The following RNF217 variants were observed in gnomAD, a reference collection of about 807,000 sequenced individuals.
RNF217 encodes E3 ubiquitin-protein ligase RNF217.
In RNF217, 31 loss-of-function variants were observed where a neutral mutation model predicts 57.8. The ratio of observed to expected loss-of-function variants is 0.54; its 90% CI spans 0.40 to 0.72. The LOEUF (loss-of-function observed/expected upper bound fraction) is 0.72. Among genes scored for constraint, RNF217 ranks in the 30% least tolerant of loss-of-function variants. The pLI is 0.00. For missense variants in RNF217, 696 were observed against 708.3 expected (o/e 0.98, Z 0.20); for synonymous variants, 313 against 294.0 (o/e 1.06, Z -0.66).
At chr6:124,968,035 C>A (rs1343792838) in intron 1 of RNF217, among the ~76,000 whole-genome samples, 1 of 152,214 alleles carries the variant, frequency 6.6e-6, no homozygotes, top group Non-Finnish European at 1.5e-5. Context: ...CCGCCTCGCA[C>A]TCCCAAAGTG....
chr6:124,990,777 A>G (rs765997257), intron 1 of RNF217, among the ~76,000 whole-genome samples: 1 of 152,188 alleles, frequency 6.6e-6, no homozygotes, highest in Non-Finnish European at 1.5e-5. Flanking sequence ...CTCAAGAGTG[A>G]AGCCAAATTG....
In RNF217 at chr6:125,055,264, A is replaced by T. The variant is rs576689132; in HGVS notation, c.1117-2678A>T. ...GTATGAGTTTAACTTATTTGTATTCACTTGAGAGACTGCCCCATAACTCTG... is the reference window on the plus strand; with the variant it reads ...GTATGAGTTTAACTTATTTGTATTCTCTTGAGAGACTGCCCCATAACTCTG... On this transcript the variant is annotated intron_variant, in intron 2 of 5. Coordinates refer to ENST00000521654, the MANE Select transcript of RNF217 (RefSeq NM_001286398.3). 5.3e-5 allele frequency among the ~76,000 whole-genome samples: 8 copies of T among 152,280 alleles called. No homozygotes were observed. The South Asian group carries it at 1.7e-3, about 32-fold the overall frequency.
intron 1 of RNF217, chr6:124,996,477 C>G (rs1051002203): frequency 5.3e-5 from 8 of 152,060 alleles, no homozygotes; most frequent in African/African-American, 1.9e-4. Context: ...TGGATATCTT[C>G]TACCAATTCA....
intron 2 of RNF217, among the ~76,000 whole-genome samples, chr6:125,046,028 A>G (rs906090383): frequency 3.9e-5 from 6 of 152,082 alleles, no homozygotes; most frequent in South Asian, 2.1e-4. Context: ...CTGTGTACAT[A>G]TAGTGTGCTT....
chr6:125,013,449 C>A (rs1363346042), intron 1 of RNF217, among the ~76,000 whole-genome samples: 1 of 149,078 alleles, frequency 6.7e-6, no homozygotes, highest in Non-Finnish European at 1.5e-5. Context: ...CATAAGAGAC[C>A]TGAATGATGC....
intron 3 of RNF217, among the ~76,000 whole-genome samples, chr6:125,067,021 G>A (rs774837225): frequency 1.3e-4 from 20 of 152,114 alleles, no homozygotes; most frequent in Non-Finnish European, 1.8e-4. Context: ...GGTTCATGGC[G>A]AAAGGACTCA....
At chr6:125,042,178 A>G (rs1353337272) in intron 1 of RNF217, among the ~76,000 whole-genome samples, 1 of 152,122 alleles carries the variant, frequency 6.6e-6, no homozygotes, top group Admixed American at 6.6e-5. Context: ...ATATTATGAA[A>G]AAGAGGATAT....
intron 1 of RNF217, among the ~76,000 whole-genome samples, chr6:124,984,375 T>G (rs1247716532): frequency 6.6e-6 from 1 of 151,832 alleles, no homozygotes; most frequent in East Asian, 1.9e-4. Flanking sequence ...AGAGAAACCC[T>G]GTCTGTACAA....
chr6:125,039,884 A>G (rs1177857752), intron 1 of RNF217, among the ~76,000 whole-genome samples: 1 of 152,150 alleles, frequency 6.6e-6, no homozygotes, highest in African/African-American at 2.4e-5. Context: ...GAAATGAAGA[A>G]GTTCTTTGAA....
intron 1 of RNF217, chr6:125,009,510 G>A: frequency 2.2e-6 from 1 of 444,496 alleles, no homozygotes; most frequent in East Asian, 3.3e-5. Context: ...TTACCATGAA[G>A]AGCTATATCA....
At chr6:124,996,513 T>A (rs1784756131) in intron 1 of RNF217, 1 of 152,170 alleles carries the variant, frequency 6.6e-6, no homozygotes, top group Non-Finnish European at 1.5e-5. Context: ...ATTTTTATGA[T>A]GTCTTTTATG....
chr6:125,070,951 G>A (rs931139920), intron 3 of RNF217, among the ~76,000 whole-genome samples: 1 of 152,126 alleles, frequency 6.6e-6, no homozygotes, highest in African/African-American at 2.4e-5. Flanking sequence ...ATACTTGTGG[G>A]CAGATGTATA....
intron 1 of RNF217, among the ~76,000 whole-genome samples, chr6:124,982,497 T>C (rs1054647970): frequency 6.6e-6 from 1 of 152,052 alleles, no homozygotes; most frequent in Non-Finnish European, 1.5e-5. Context: ...ACCTCACGTA[T>C]GGGAAAATTC....
chr6:125,039,229 T>C (rs949938689), intron 1 of RNF217, among the ~76,000 whole-genome samples: 1 of 151,494 alleles, frequency 6.6e-6, no homozygotes, highest in Admixed American at 6.6e-5. Context: ...ATGTACCACA[T>C]TTTTTTTTCT....
rs1788816994 is a variant in RNF217, at chr6:125,087,896, T to C, written c.*4959T>C. 6.6e-6 allele frequency: 1 copy of C among 152,016 alleles called. No individual in the cohort carries two copies. Among genetic ancestry groups the C allele is most frequent in the Non-Finnish European group, 1.5e-5 (1 of 67,992 alleles). The allele number at this position is 152,016 out of a possible 1,614,324, so 9.4% of individuals were successfully genotyped here. A position where few individuals can be genotyped will look rare whatever the true frequency, so the allele number is the denominator to read the frequency against. ...AAAGAAATCTCCCTCACTAAAAATATGATCAATCAAAACTACCAGTTTTGC... is the reference window on the plus strand; with the variant it reads ...AAAGAAATCTCCCTCACTAAAAATACGATCAATCAAAACTACCAGTTTTGC... On this transcript the variant is annotated 3_prime_UTR_variant, in exon 6 of 6. Coordinates refer to ENST00000521654, the MANE Select transcript of RNF217 (RefSeq NM_001286398.3).
chr6:124,976,274 C>T lies in RNF217; in HGVS notation c.882+12848C>T, dbSNP rs565206109. On this transcript the variant is annotated intron_variant, in intron 1 of 5. Transcript: ENST00000521654. The stretch of plus-strand genomic sequence containing the variant: ...CACTCCCTCCCTCCCTCCCTCCCTC[C>T]CGCTCTCTCTCCTTTCCTCCCTTCC... Among the ~76,000 whole-genome samples, 4 of 106,280 alleles carry T rather than the reference C, an allele frequency of 3.8e-5. No individual in the cohort carries two copies. In the Admixed American group the frequency reaches 4.4e-4, roughly 12 times the overall value. 69.7% of individuals were successfully genotyped at this position (106,280 alleles called of 152,430 possible). A position where few individuals can be genotyped will look rare whatever the true frequency, so the allele number is the denominator to read the frequency against.
intron 1 of RNF217, chr6:124,983,472 G>A: frequency 2.0e-6 from 2 of 984,738 alleles, no homozygotes; most frequent in South Asian, 9.4e-5. Flanking sequence ...GTGGATTTAT[G>A]TCCTCACTTG....
chr6:125,003,546 A>G (rs7772639), intron 1 of RNF217, among the ~76,000 whole-genome samples: 11,927 of 152,250 alleles, frequency 0.078, 1,616 homozygotes, highest in African/African-American at 0.27. Flanking sequence ...ACTGCACAGT[A>G]TGGTGACTGT....
intron 3 of RNF217, among the ~76,000 whole-genome samples, chr6:125,067,201 C>T (rs1787966264): frequency 6.6e-6 from 1 of 152,092 alleles, no homozygotes; most frequent in South Asian, 2.1e-4. Flanking sequence ...GTTAACTTAG[C>T]GTAAGGTTTA....
Sources: gnomAD v4.1 joint callset for allele counts (sites outside exome capture counted in the v4.1 genomes callset) on GRCh38, gnomAD v4.1.1 for gene constraint, MANE v1.5 for transcripts, NCBI Gene and HGNC (gene_info 2026-07-23, HGNC 2026-07-21) for gene names.